MCM3AP: variants seen among roughly 807,000 people sequenced by gnomAD.
MCM3AP encodes the protein germinal-center associated nuclear protein.
In MCM3AP, 126 loss-of-function variants were observed where a neutral mutation model predicts 184.1. The observed-to-expected ratio is 0.68, with a 90% CI of 0.59 to 0.79. The LOEUF (loss-of-function observed/expected upper bound fraction) is 0.79. MCM3AP is among the 30% of genes least tolerant of loss of function. MCM3AP has a pLI of 0.00. For missense variants in MCM3AP, 2,496 were observed against 2,479.2 expected (o/e 1.01, Z -0.14); for synonymous variants, 1,002 against 979.3 (o/e 1.02, Z -0.43).
intron 20 of MCM3AP, chr21:46,250,862 T>C (rs1487550761): frequency 6.6e-6 from 1 of 152,242 alleles, no homozygotes; most frequent in African/African-American, 2.4e-5. Context: ...AGGTAACTAA[T>C]ACATTTATAT....
rs1265624599 is a variant in MCM3AP at position 46,252,438 on chromosome 21, C to T, written c.4137-756G>A. On this transcript the variant is annotated intron_variant, in intron 19 of 27. Transcript: ENST00000291688. ...GGCGTAGTGGCTCACGCCTGTAATC[C>T]CAGCACCTTGGGAGGCCAAGGCAGG... The T allele has an allele frequency of 2.0e-5, 3 of 152,080 alleles. No homozygotes were observed. The East Asian group carries it at 5.8e-4, about 29-fold the overall frequency. The allele number at this position is 152,080 out of a possible 1,614,324, so 9.4% of individuals were successfully genotyped here.
In MCM3AP at chr21:46,260,889, T is replaced by C; in HGVS notation, c.3485A>G (p.Glu1162Gly). The change falls in exon 15 of 28, where the codon GAG (glutamate) becomes GGG (glycine). Residue 1162 changes from glutamate (E) to glycine (G), a missense_variant. By Grantham distance (98) the Glu-to-Gly change is moderately conservative. This residue lies in a region of MCM3AP where 1,323 missense variants were observed against 1,273.4 expected (regional missense o/e 1.04). Transcript: ENST00000291688. ...AEEERLKQERELVLSELSQGL... is the reference protein window; with the variant it reads ...AEEERLKQERGLVLSELSQGL... ...CTGGCTCAGCTCACTTAACACCAGCTCTCTCTCTTGTTTCAACCTACAGGG... is the reference window on the plus strand; with the variant it reads ...CTGGCTCAGCTCACTTAACACCAGCCCTCTCTCTTGTTTCAACCTACAGGG... The C allele has an allele frequency of 6.2e-7, 1 of 1,612,474 alleles. No individual in the cohort carries two copies. Among genetic ancestry groups the C allele is most frequent in the Non-Finnish European group, 8.5e-7 (1 of 1,178,554 alleles).
Position 46,235,163 on chromosome 21 carries a change from A to G in MCM3AP, c.*105T>C. 8.0e-7 allele frequency: 1 copy of G among 1,247,616 alleles called. No homozygotes were observed. Among genetic ancestry groups the G allele is most frequent in the Non-Finnish European group, 1.1e-6 (1 of 888,990 alleles). The allele number at this position is 1,247,616 out of a possible 1,614,324, so 77.3% of individuals were successfully genotyped here. A position where few individuals can be genotyped will look rare whatever the true frequency, so the allele number is the denominator to read the frequency against. On this transcript the variant is annotated 3_prime_UTR_variant, in exon 28 of 28. Transcript: ENST00000291688. ...TTTAAATGGTTTATCTGCATGATTA[A>G]ATTAATCACATTTCCAACAGTGCAT...
rs2081109644 is a variant in MCM3AP, at chr21:46,266,150, G to T, written c.2806C>A (p.Arg936=). Reference sequence around the variant, plus strand: ...CCCTCTGGTTCCAGGAATGCAGACCGGTTCAGCTCCACACAGCTACCCAGA... The same window carrying T: ...CCCTCTGGTTCCAGGAATGCAGACCTGTTCAGCTCCACACAGCTACCCAGA... ...TVSDGCVELN[R]SAFLEPEGLS... is the part of the protein sequence containing the mutation. Residue 936 remains arginine (R), a synonymous_variant, in exon 11 of 28, where the codon CGG becomes AGG. Transcript: ENST00000291688. 7.5e-6 allele frequency: 12 copies of T among 1,609,542 alleles called. No homozygotes were observed. The highest frequency in any genetic ancestry group is 1.0e-5 in the Non-Finnish European group (12 of 1,177,866).
rs770210900 is a variant in MCM3AP, at chr21:46,244,760, G to T, written c.5038+47C>A. The stretch of plus-strand genomic sequence containing the variant: ...TTACTACAGTGAGAAGGAAGCCTGA[G>T]ACTTGGCTGCAGCCACCCACCAGAC... On this transcript the variant is annotated intron_variant, in intron 23 of 27. Coordinates refer to ENST00000291688, the MANE Select transcript of MCM3AP (RefSeq NM_003906.5). The T allele has an allele frequency of 1.9e-6, 3 of 1,552,616 alleles. No homozygotes were observed. In the South Asian group the frequency reaches 3.7e-5, roughly 19 times the overall value.
chr21:46,261,169 G>T, intron 14 of MCM3AP, 111 bp downstream of exon 14: 1 of 1,381,690 alleles, frequency 7.2e-7, no homozygotes, highest in Non-Finnish European at 1.0e-6. Flanking sequence ...GGGTCAGCAG[G>T]GGTGGAATGG....
At chr21:46,271,007 T>C (rs765632064) in intron 8 of MCM3AP, among the ~76,000 whole-genome samples, 1 of 152,212 alleles carries the variant, frequency 6.6e-6, no homozygotes, top group Non-Finnish European at 1.5e-5. Context: ...GTAATGCCAA[T>C]GGACTGTCAG....
chr21:46,253,368 C>G (rs1402064845), intron 19 of MCM3AP: 2 of 152,212 alleles, frequency 1.3e-5, no homozygotes, highest in Non-Finnish European at 2.9e-5. Flanking sequence ...ACAATCAACT[C>G]TTAAATGCTT....
chr21:46,240,792 A>G lies in MCM3AP; in HGVS notation c.5633+19T>C. ...AAAGCAGACTAAACACACATGAATTAGAAGGAAGTGGGCTTCACCTCTTGT... is the reference window on the plus strand; with the variant it reads ...AAAGCAGACTAAACACACATGAATTGGAAGGAAGTGGGCTTCACCTCTTGT... On this transcript the variant is annotated intron_variant, in intron 26 of 27. Transcript: ENST00000291688. 3 of 1,609,604 alleles carry G rather than the reference A, an allele frequency of 1.9e-6. No individual in the cohort carries two copies. The highest frequency in any genetic ancestry group is 2.5e-6 in the Non-Finnish European group (3 of 1,177,034).
At position 46,243,543 on chromosome 21, in the gene MCM3AP, G is replaced by C. The variant is rs768558032; in HGVS notation, c.5218C>G (p.Pro1740Ala). 1 of 1,614,210 alleles carries C rather than the reference G, an allele frequency of 6.2e-7. No individual in the cohort carries two copies. Among genetic ancestry groups the C allele is most frequent in the Admixed American group, 1.7e-5 (1 of 60,030 alleles). The change falls in exon 24 of 28, where the codon CCA becomes GCA. Residue 1740 changes from proline (P) to alanine (A), a missense_variant. Transcript: ENST00000291688. ...HGAGPSVMEI[P>A]WDDLIALCIN... ...CACAAGGCGATAAGATCATCCCATGGGATCTCCATGACCGAGGGGCCTGCC... is the reference window on the plus strand; with the variant it reads ...CACAAGGCGATAAGATCATCCCATGCGATCTCCATGACCGAGGGGCCTGCC...
rs1252246026 is a variant in MCM3AP, at chr21:46,284,311, G to A, written c.976C>T (p.Pro326Ser). 1.2e-6 allele frequency: 2 copies of A among 1,614,222 alleles called. No individual in the cohort carries two copies. Among genetic ancestry groups the A allele is most frequent in the East Asian group, 2.2e-5 (1 of 44,888 alleles). ...CCCCGGGGTCGATTCAGGCGGACAG[G>A]TCGTTTGTCTGGAGGATGATCGCCC... ...SRGDHPPDKR[P>S]VRLNRPRGGT... The change falls in exon 1 of 28, where the codon CCT (proline) becomes TCT (serine). Residue 326 changes from proline to serine, a missense_variant. Transcript: ENST00000291688.
chr21:46,269,562 G>C (rs1165589462), intron 9 of MCM3AP, among the ~76,000 whole-genome samples: 4 of 152,202 alleles, frequency 2.6e-5, no homozygotes, highest in Non-Finnish European at 5.9e-5. Context: ...TTTAGTCACT[G>C]TTTACAGGAG....
chr21:46,275,284 C>G lies in MCM3AP; in HGVS notation c.1900G>C (p.Val634Leu), dbSNP rs375552977. The G allele has an allele frequency of 3.7e-6, 6 of 1,613,984 alleles. No individual in the cohort carries two copies. In the African/African-American group the frequency reaches 8.0e-5, roughly 22 times the overall value. The change falls in exon 6 of 28, where the codon GTT becomes CTT. Residue 634 changes from valine to leucine, a missense_variant. By Grantham distance (32) the Val-to-Leu change is conservative. Transcript: ENST00000291688. ...GGACACATATCCAGGCAGGTGCCAA[C>G]AAAAGTCCTCGCTTTGTCCAGATCG... ...RTDLDKARTF[V>L]GTCLDMCPEK...
At chr21:46,277,089 T>A (rs910321081) in intron 5 of MCM3AP, among the ~76,000 whole-genome samples, 1 of 152,122 alleles carries the variant, frequency 6.6e-6, no homozygotes, top group Non-Finnish European at 1.5e-5. Flanking sequence ...CTAAGAGAAG[T>A]ACCTGTGTTT....
At position 46,242,913 on chromosome 21, in the gene MCM3AP, C is replaced by A; in HGVS notation, c.5315G>T (p.Gly1772Val). 2 of 1,611,398 alleles carry A rather than the reference C, an allele frequency of 1.2e-6. No homozygotes were observed. Among genetic ancestry groups the A allele is most frequent in the Non-Finnish European group, 1.7e-6 (2 of 1,178,970 alleles). ...TTTAAAAAAATACACACATATCTGA[C>A]CATCTTCACTCAGCGCCTCTGAGAA... ...PVTSEALSED[G>V]QICVYFFKND... Residue 1772 changes from glycine (G) to valine (V), a missense_variant, in exon 25 of 28, where the codon GGT (glycine) becomes GTT (valine). Around this residue, in one of 5 missense-constraint regions of MCM3AP, gnomAD observed 1,323 missense variants for 1,273.4 expected, o/e 1.04. Transcript: ENST00000291688.
chr21:46,263,497 A>G (rs1158764258), intron 13 of MCM3AP, among the ~76,000 whole-genome samples: 2 of 151,998 alleles, frequency 1.3e-5, no homozygotes, highest in South Asian at 2.1e-4. Flanking sequence ...TAAGATGACA[A>G]TACTGGCCAG....
Position 46,246,651 on chromosome 21 carries a change from G to A in MCM3AP, c.4526C>T (p.Ala1509Val), listed in dbSNP as rs769709166. ...VVLVPSPGGD[A>V]VEKEVEDGLM... is the part of the protein sequence containing the mutation. ...ACCATCTTCTACTTCCTTCTCAACG[G>A]CGTCCCCTCCTGGGCTAGGCACAAG... is the stretch of plus-strand genomic sequence containing the variant. The change falls in exon 21 of 28, where the codon GCC becomes GTC. Residue 1509 changes from alanine to valine, a missense_variant. Physicochemically the swap from Ala to Val is moderately conservative, Grantham distance 64 (BLOSUM62 0). This residue lies in a region of MCM3AP where 1,323 missense variants were observed against 1,273.4 expected (regional missense o/e 1.04). Coordinates refer to ENST00000291688, the MANE Select transcript of MCM3AP (RefSeq NM_003906.5). 37 of 1,610,710 alleles carry A rather than the reference G, an allele frequency of 2.3e-5. No individual in the cohort carries two copies. The highest frequency in any genetic ancestry group is 6.7e-5 in the East Asian group (3 of 44,794).
chr21:46,245,064 T>G lies in MCM3AP; in HGVS notation c.4781A>C (p.Glu1594Ala), dbSNP rs1569054539. The change falls in exon 23 of 28, where the codon GAG becomes GCG. Residue 1594 changes from glutamate (E) to alanine (A), a missense_variant. This residue lies in a region of MCM3AP where 1,323 missense variants were observed against 1,273.4 expected (regional missense o/e 1.04). Transcript: ENST00000291688. ...FSGRFFHDRR[E>A]RRLGGLASQE... ...AGAAGCAAGACCGCCCAGACGCCTCTCTCTTCTGTCATGGAAAAAGCGGCC... is the reference window on the plus strand; with the variant it reads ...AGAAGCAAGACCGCCCAGACGCCTCGCTCTTCTGTCATGGAAAAAGCGGCC... 4 of 1,614,172 alleles carry G rather than the reference T, an allele frequency of 2.5e-6. No homozygotes were observed. Among genetic ancestry groups the G allele is most frequent in the Non-Finnish European group, 3.4e-6 (4 of 1,180,034 alleles).
intron 19 of MCM3AP, 23 bp from the exon 20 acceptor site, chr21:46,251,705 A>C (rs557870783): frequency 7.1e-7 from 1 of 1,413,840 alleles, no homozygotes; most frequent in South Asian, 1.3e-5. Context: ...AAAAAACAAA[A>C]AACAAAAAAA....
Sources: gnomAD v4.1 joint callset for allele counts (sites outside exome capture counted in the v4.1 genomes callset) on GRCh38, gnomAD v4.1.1 for gene constraint, gnomAD v4.1.1 regional missense constraint, MANE v1.5 for transcripts, NCBI Gene and HGNC (gene_info 2026-07-23, HGNC 2026-07-21) for gene names.